Variants in GPC5 observed in about 807,000 individuals in gnomAD.
The protein encoded by GPC5 is glypican-5.
A neutral mutation model predicts 53.9 loss-of-function variants in GPC5; 47 were observed. That is an observed-to-expected ratio of 0.87 (90% CI 0.69 to 1.11). The LOEUF (loss-of-function observed/expected upper bound fraction) is 1.11. Ranked by LOEUF, GPC5 falls within the 50% of genes most tolerant of loss-of-function variation. The probability of loss-of-function intolerance (pLI) is 0.00; values close to 1 mark genes in which losing one functional copy is unlikely to be tolerated. For synonymous variants in GPC5, 286 were observed against 263.3 expected (o/e 1.09, Z -0.84); for missense variants, 748 against 713.1 (o/e 1.05, Z -0.56).
At chr13:92,500,527 G>A (rs1880144852) in intron 7 of GPC5, among the ~76,000 whole-genome samples, 1 of 152,162 alleles carries the variant, frequency 6.6e-6, no homozygotes, top group Non-Finnish European at 1.5e-5. Context: ...AATCACCCTT[G>A]TTATAGCTCA....
intron 2 of GPC5, among the ~76,000 whole-genome samples, chr13:91,578,002 A>G (rs1165881541): frequency 6.6e-6 from 1 of 152,212 alleles, no homozygotes; most frequent in Admixed American, 6.5e-5. Context: ...GCCATGAAAG[A>G]TATTGTAGTT....
intron 7 of GPC5, among the ~76,000 whole-genome samples, chr13:92,579,991 G>A (rs558403242): frequency 3.9e-5 from 6 of 152,212 alleles, no homozygotes; most frequent in African/African-American, 1.4e-4. Context: ...AACTTTCTCC[G>A]TGTTTGAATG....
chr13:92,789,571 A>C (rs1222559358), intron 7 of GPC5, among the ~76,000 whole-genome samples: 1 of 152,132 alleles, frequency 6.6e-6, no homozygotes, highest in Non-Finnish European at 1.5e-5. Flanking sequence ...TTTAATCTTC[A>C]TAGTCATTAT....
At chr13:92,691,715 T>TCA (rs1257535253) in intron 7 of GPC5, among the ~76,000 whole-genome samples, 1 of 152,056 alleles carries the variant, frequency 6.6e-6, no homozygotes, top group African/African-American at 2.4e-5. Context: ...ATTCTCCACT[T>TCA]ATTTGGATTT....
At chr13:92,112,505 C>T (rs574937434) in intron 6 of GPC5, among the ~76,000 whole-genome samples, 1 of 152,076 alleles carries the variant, frequency 6.6e-6, no homozygotes, top group Non-Finnish European at 1.5e-5. Flanking sequence ...TTCTGTAAGA[C>T]CTGCTTAGAA....
At position 92,775,822 on chromosome 13, in the gene GPC5, C is replaced by T. The variant is rs1258442393; in HGVS notation, c.1562-90460C>T. The stretch of plus-strand genomic sequence containing the variant: ...ACATTCATTGACAACGGTCTTAAAT[C>T]GGCTTCCAATAAATCATACAGCCTG... On this transcript the variant is annotated intron_variant, in intron 7 of 7. Coordinates refer to ENST00000377067, the MANE Select transcript of GPC5 (RefSeq NM_004466.6). 3.9e-5 allele frequency among the ~76,000 whole-genome samples: 6 copies of T among 152,258 alleles called. No individual in the cohort carries two copies. In the East Asian group the frequency reaches 7.7e-4, roughly 20 times the overall value.
intron 2 of GPC5, among the ~76,000 whole-genome samples, chr13:91,674,986 G>A (rs902997861): frequency 2.7e-5 from 4 of 150,890 alleles, no homozygotes; most frequent in Admixed American, 6.6e-5. Context: ...TTCTCATCTA[G>A]ACTAGTCCAG....
intron 5 of GPC5, among the ~76,000 whole-genome samples, chr13:91,802,216 A>C (rs540396665): frequency 6.6e-6 from 1 of 151,984 alleles, no homozygotes; most frequent in South Asian, 2.1e-4. Flanking sequence ...TTCTTCCTTC[A>C]GATATTCAAA....
At chr13:92,050,700 T>C (rs775207280) in intron 6 of GPC5, among the ~76,000 whole-genome samples, 19 of 152,218 alleles carry the variant, frequency 1.2e-4, no homozygotes, top group African/African-American at 1.9e-4. Context: ...CAGGTGTTTT[T>C]CCTGAAGTGT....
chr13:91,614,490 C>T (rs1485495848), intron 2 of GPC5, among the ~76,000 whole-genome samples: 1 of 152,058 alleles, frequency 6.6e-6, no homozygotes, highest in Non-Finnish European at 1.5e-5. Flanking sequence ...CACTACTGTG[C>T]TTGGCTAATT....
chr13:91,775,659 G>A (rs1413318678), intron 5 of GPC5, among the ~76,000 whole-genome samples: 1 of 152,130 alleles, frequency 6.6e-6, no homozygotes, highest in African/African-American at 2.4e-5. Flanking sequence ...AAAAGTAAAT[G>A]TTACTTCTTT....
chr13:91,447,468 G>A (rs1880886979), intron 1 of GPC5, among the ~76,000 whole-genome samples: 2 of 151,762 alleles, frequency 1.3e-5, no homozygotes, highest in South Asian at 4.1e-4. Flanking sequence ...CTTAGCCTTT[G>A]TAAAGTGTCA....
chr13:91,572,262 T>A, intron 2 of GPC5, among the ~76,000 whole-genome samples: 1 of 151,058 alleles, frequency 6.6e-6, no homozygotes, highest in Admixed American at 6.6e-5. Context: ...TACACATATG[T>A]ATATACATGT....
At chr13:92,652,556 T>C (rs892083273) in intron 7 of GPC5, among the ~76,000 whole-genome samples, 1 of 152,152 alleles carries the variant, frequency 6.6e-6, no homozygotes, top group African/African-American at 2.4e-5. Flanking sequence ...CTGACCGTGG[T>C]GGACAGGGTA....
intron 6 of GPC5, among the ~76,000 whole-genome samples, chr13:91,984,598 T>C (rs1223942806): frequency 6.6e-6 from 1 of 152,238 alleles, no homozygotes. Context: ...GGCTTTCTTT[T>C]AATACTAGTT....
At chr13:91,819,106 CTGACT>C (rs1484103027) in intron 5 of GPC5, among the ~76,000 whole-genome samples, 16 of 148,584 alleles carry the variant, frequency 1.1e-4, no homozygotes, top group Non-Finnish European at 2.4e-4. Context: ...AAGCAATATC[CTGACT>C]TAACTGAGAA....
chr13:92,256,767 A>T (rs1416876779), intron 7 of GPC5, among the ~76,000 whole-genome samples: 1 of 152,074 alleles, frequency 6.6e-6, no homozygotes, highest in Non-Finnish European at 1.5e-5. Context: ...TTAAAAAAAA[A>T]ACACATTCCC....
At chr13:91,424,265 A>G (rs954550664) in intron 1 of GPC5, among the ~76,000 whole-genome samples, 3 of 145,314 alleles carry the variant, frequency 2.1e-5, no homozygotes, top group African/African-American at 5.1e-5. Context: ...CAGTTTCATC[A>G]TGACATTCCT....
intron 7 of GPC5, among the ~76,000 whole-genome samples, chr13:92,627,345 G>C (rs1220273277): frequency 1.3e-5 from 2 of 152,192 alleles, no homozygotes; most frequent in South Asian, 4.1e-4. Context: ...GGCAGCTATA[G>C]TTTATAGAAC....
Sources: gnomAD v4.1 joint callset for allele counts (sites outside exome capture counted in the v4.1 genomes callset) on GRCh38, gnomAD v4.1.1 for gene constraint, MANE v1.5 for transcripts, NCBI Gene and HGNC (gene_info 2026-07-23, HGNC 2026-07-21) for gene names.